BRD10: variants seen among roughly 807,000 people sequenced by gnomAD.
The protein encoded by BRD10 is bromodomain containing 10, also known as uncharacterized bromodomain-containing protein 10.
At chr9:5,967,957 T>C in the BRD10 span, 30 of 1,054,464 alleles carry the variant, frequency 2.8e-5, no homozygotes, top group South Asian at 2.4e-4. Context: ...CCATGATGCA[T>C]AATGGAAAAA....
chr9:5,968,055 T>C, the BRD10 span: 8 of 1,530,770 alleles, frequency 5.2e-6, no homozygotes, highest in Non-Finnish European at 7.0e-6. Context: ...TTTTTTTTGA[T>C]GATCAATAAC....
the BRD10 span, among the ~76,000 whole-genome samples, chr9:5,925,421 G>C: frequency 1.3e-5 from 2 of 150,752 alleles, no homozygotes; most frequent in South Asian, 2.1e-4. Flanking sequence ...TCAGAATAAA[G>C]ATTTGAACAT....
At chr9:5,911,137 T>C in the BRD10 span, among the ~76,000 whole-genome samples, 1 of 152,302 alleles carries the variant, frequency 6.6e-6, no homozygotes, top group South Asian at 2.1e-4. Context: ...TCCTGGAGAG[T>C]TTCTCCAACG....
At chr9:5,907,600 A>G in the BRD10 span, among the ~76,000 whole-genome samples, 3 of 152,244 alleles carry the variant, frequency 2.0e-5, 1 homozygote, top group Admixed American at 6.5e-5. Context: ...AGGTTAAACA[A>G]AATATTTTAA....
chr9:5,906,186 TAA>T, the BRD10 span, among the ~76,000 whole-genome samples: 7 of 140,444 alleles, frequency 5.0e-5, no homozygotes, highest in Non-Finnish European at 4.7e-5. Context: ...TCATGTCTCT[TAA>T]AAAAAAAAAA....
chr9:5,915,205 C>G, the BRD10 span, among the ~76,000 whole-genome samples: 3 of 152,122 alleles, frequency 2.0e-5, no homozygotes, highest in African/African-American at 7.2e-5. Context: ...TGTCTCATCT[C>G]TAGCATTACT....
the BRD10 span, chr9:5,920,398 C>T: frequency 2.7e-5 from 44 of 1,613,996 alleles, no homozygotes; most frequent in Non-Finnish European, 3.3e-5. Flanking sequence ...GTTCACTGAA[C>T]TGACTCCCGA....
At chr9:5,985,110 C>T in the BRD10 span, among the ~76,000 whole-genome samples, 7 of 152,106 alleles carry the variant, frequency 4.6e-5, no homozygotes, top group East Asian at 1.9e-4. Flanking sequence ...ACAAATAATA[C>T]GTTCAATTGC....
the BRD10 span, among the ~76,000 whole-genome samples, chr9:5,900,546 T>C: frequency 2.6e-5 from 4 of 152,214 alleles, no homozygotes; most frequent in African/African-American, 9.6e-5. Context: ...ATTTTCATTT[T>C]AAAGCAAAGG....
chr9:5,927,218 T>G, the BRD10 span, among the ~76,000 whole-genome samples: 1 of 152,196 alleles, frequency 6.6e-6, no homozygotes, highest in Non-Finnish European at 1.5e-5. Context: ...AAGAGAACTT[T>G]CACATGCTCA....
At chr9:6,008,245 C>T in the BRD10 span, 1 of 982,630 alleles carries the variant, frequency 1.0e-6, no homozygotes, top group Non-Finnish European at 1.2e-6. Flanking sequence ...GCTCCGGCTC[C>T]TCCTCTCCCT....
the BRD10 span, among the ~76,000 whole-genome samples, chr9:5,997,994 G>C: frequency 2.0e-5 from 3 of 152,118 alleles, no homozygotes; most frequent in African/African-American, 4.8e-5. Flanking sequence ...GAAAGAAATA[G>C]GCAAGATTTA....
At chr9:5,924,395 G>A in the BRD10 span, among the ~76,000 whole-genome samples, 2 of 151,500 alleles carry the variant, frequency 1.3e-5, no homozygotes, top group African/African-American at 2.4e-5. Flanking sequence ...CTCCTATCTC[G>A]ACCTCTTGAA....
the BRD10 span, chr9:5,892,524 A>C: frequency 6.2e-7 from 1 of 1,613,812 alleles, no homozygotes; most frequent in Non-Finnish European, 8.5e-7. Flanking sequence ...AAGAAGGGGC[A>C]CGGCCACTCT....
At chr9:5,958,288 CTCTAGTTTTCTAGAA>C in the BRD10 span, among the ~76,000 whole-genome samples, 1 of 152,130 alleles carries the variant, frequency 6.6e-6, no homozygotes, top group Non-Finnish European at 1.5e-5. Flanking sequence ...AGGAATAAAA[CTCTAGTTTTCTAGAA>C]TCTGGAAATA....
the BRD10 span, among the ~76,000 whole-genome samples, chr9:5,894,344 A>G: frequency 0.23 from 35,335 of 152,054 alleles, 4,703 homozygotes; most frequent in East Asian, 0.48. This position sits in a 1 kb window ranked among gnomAD's most constrained non-coding sequence, Gnocchi z 4.0. Context: ...AAGCTGGTTA[A>G]ACAGGCATGG....
chr9:6,005,993 T>C, the BRD10 span, among the ~76,000 whole-genome samples: 8 of 152,184 alleles, frequency 5.3e-5, no homozygotes, highest in Admixed American at 1.3e-4. Flanking sequence ...AAATGGCATA[T>C]GGGAAGCCAA....
the BRD10 span, among the ~76,000 whole-genome samples, chr9:5,914,429 TTTTTTTTTTTTTG>T: frequency 8.1e-6 from 1 of 122,974 alleles, no homozygotes. Context: ...TTTTTTTTTT[TTTTTTTTTTTTTG>T]AGACGGAGTC....
At chr9:5,957,561 T>A in the BRD10 span, among the ~76,000 whole-genome samples, 4 of 152,134 alleles carry the variant, frequency 2.6e-5, no homozygotes, top group Non-Finnish European at 5.9e-5. Flanking sequence ...CATGTGAAAT[T>A]AGGTCTGTCT....
Sources: allele counts gnomAD v4.1 joint callset (sites outside exome capture counted in the v4.1 genomes callset), GRCh38; gene constraint gnomAD v4.1.1; non-coding constraint Gnocchi (gnomAD v3.1); transcripts MANE v1.5; gene names NCBI Gene and HGNC (gene_info 2026-07-23, HGNC 2026-07-21).